The following DOCK8 variants were observed in gnomAD, a reference collection of about 807,000 sequenced individuals.
The protein encoded by DOCK8 is dedicator of cytokinesis 8, also known as dedicator of cytokinesis protein 8.
In DOCK8, 141 loss-of-function variants were observed where a neutral mutation model predicts 245.6. The ratio of observed to expected loss-of-function variants is 0.57; its 90% confidence interval spans 0.50 to 0.66. DOCK8 has a LOEUF of 0.66. DOCK8 is among the 30% of genes least tolerant of loss of function. The probability of loss-of-function intolerance (pLI) is 0.00; values close to 1 mark genes in which losing one functional copy is unlikely to be tolerated. For synonymous variants in DOCK8, 1,168 were observed against 970.2 expected (o/e 1.20, Z -3.79); for missense variants, 2,965 against 2,603.4 (o/e 1.14, Z -3.02).
intron 1 of DOCK8, among the ~76,000 whole-genome samples, chr9:218,749 A>G (rs1205504332): frequency 6.6e-6 from 1 of 152,238 alleles, no homozygotes; most frequent in Non-Finnish European, 1.5e-5. Flanking sequence ...GATAAAGAGG[A>G]CGAAAGTGTA....
At chr9:353,721 A>G (rs1434439346) in intron 14 of DOCK8, among the ~76,000 whole-genome samples, 2 of 152,182 alleles carry the variant, frequency 1.3e-5, no homozygotes, top group Non-Finnish European at 2.9e-5. Flanking sequence ...GACTATGCAA[A>G]TGGTGTCTTG....
At chr9:300,334 T>A (rs1035886641) in intron 4 of DOCK8, among the ~76,000 whole-genome samples, 2 of 152,214 alleles carry the variant, frequency 1.3e-5, no homozygotes, top group African/African-American at 4.8e-5. Flanking sequence ...ATCTGGCATT[T>A]GATCTACCTA....
chr9:246,355 CAA>C (rs2047505693), intron 1 of DOCK8, among the ~76,000 whole-genome samples: 5 of 151,960 alleles, frequency 3.3e-5, no homozygotes, highest in African/African-American at 1.2e-4. Flanking sequence ...CCCATCTCTA[CAA>C]AAAAATTAAA....
At chr9:397,257 A>C (rs990657767) in intron 25 of DOCK8, among the ~76,000 whole-genome samples, 2 of 151,914 alleles carry the variant, frequency 1.3e-5, no homozygotes, top group Non-Finnish European at 1.5e-5. Context: ...AGGCAGAAGC[A>C]AGAGAACTGC....
At chr9:233,052 C>T (rs552197736) in intron 1 of DOCK8, among the ~76,000 whole-genome samples, 4 of 152,188 alleles carry the variant, frequency 2.6e-5, no homozygotes, top group Non-Finnish European at 4.4e-5. Context: ...AAATTTCCCT[C>T]TACACACTGC....
At chr9:236,035 A>G (rs746033225) in intron 1 of DOCK8, among the ~76,000 whole-genome samples, 7 of 152,162 alleles carry the variant, frequency 4.6e-5, no homozygotes, top group Non-Finnish European at 1.0e-4. Flanking sequence ...CTATTCGGCC[A>G]TCTTGGCTCC....
intron 1 of DOCK8, among the ~76,000 whole-genome samples, chr9:231,866 T>A (rs2047126149): frequency 6.6e-6 from 1 of 152,182 alleles, no homozygotes; most frequent in African/African-American, 2.4e-5. Flanking sequence ...GACTTCCTCT[T>A]TTCCTAATTG....
intron 1 of DOCK8, among the ~76,000 whole-genome samples, chr9:248,920 C>G (rs901169173): frequency 6.6e-6 from 1 of 152,186 alleles, no homozygotes; most frequent in Non-Finnish European, 1.5e-5. Flanking sequence ...GTTATTGTTA[C>G]TTCATTCTAG....
At chr9:307,992 G>A (rs903996387) in intron 5 of DOCK8, among the ~76,000 whole-genome samples, 6 of 152,328 alleles carry the variant, frequency 3.9e-5, no homozygotes, top group Non-Finnish European at 5.9e-5. Flanking sequence ...CTTATATGTG[G>A]AAGATAAATA....
rs1199662819 is a variant in DOCK8 at position 307,330 on chromosome 9, TTTTTTTTG to T, written c.528+2634_528+2641del. 4.4e-4 allele frequency among the ~76,000 whole-genome samples: 13 copies of T among 29,262 alleles called. 1 individual carries two copies. Among genetic ancestry groups the T allele is most frequent in the African/African-American group, 5.4e-4 (7 of 13,034 alleles). The allele number at this position is 29,262 out of a possible 152,430, so 19.2% of individuals were successfully genotyped here. A position where few individuals can be genotyped will look rare whatever the true frequency, so the allele number is the denominator to read the frequency against. ...ACTCAAGTCACTGTGTTGTGTGTGG[TTTTTTTTG>T]TTTTTTTTTTTTTTTTTTTTTTTTT... is the stretch of plus-strand genomic sequence containing the variant. On this transcript the variant is annotated intron_variant, in intron 5 of 47. Transcript: ENST00000432829.
intron 33 of DOCK8, among the ~76,000 whole-genome samples, chr9:422,384 G>C (rs1355597576): frequency 3.3e-5 from 5 of 152,154 alleles, no homozygotes; most frequent in Admixed American, 3.3e-4. Flanking sequence ...AGCAACCTCA[G>C]ATGGCTTAAT....
intron 44 of DOCK8, among the ~76,000 whole-genome samples, chr9:447,547 T>A (rs1057043118): frequency 2.6e-5 from 4 of 152,210 alleles, no homozygotes; most frequent in African/African-American, 4.8e-5. Context: ...TGTGCACACC[T>A]AATATGACAG....
intron 1 of DOCK8, among the ~76,000 whole-genome samples, chr9:247,616 C>T (rs7848541): frequency 0.22 from 33,065 of 152,006 alleles, 3,747 homozygotes; most frequent in East Asian, 0.4. Context: ...TCACTGCAAG[C>T]TCCGCCTCCC....
intron 46 of DOCK8, among the ~76,000 whole-genome samples, chr9:457,580 A>C (rs555407914): frequency 6.6e-6 from 1 of 152,314 alleles, no homozygotes; most frequent in East Asian, 1.9e-4. Context: ...TGCTGATGAG[A>C]CATTGGCCTG....
chr9:214,653 C>A, upstream of DOCK8: 1 of 1,608,362 alleles, frequency 6.2e-7, no homozygotes. Context: ...CCCGCGCTCC[C>A]TTCGGCCGGA....
chr9:440,389 A>G (rs886991219), intron 40 of DOCK8, among the ~76,000 whole-genome samples: 12 of 152,320 alleles, frequency 7.9e-5, no homozygotes, highest in Middle Eastern at 3.4e-3. Flanking sequence ...ACTTTACTAT[A>G]TTTAGCTGAC....
At chr9:272,108 C>T (rs777252450) in intron 2 of DOCK8, among the ~76,000 whole-genome samples, 8 of 152,140 alleles carry the variant, frequency 5.3e-5, no homozygotes, top group Admixed American at 2.0e-4. Context: ...AAGTTACAGA[C>T]CTCCTTTTTG....
intron 4 of DOCK8, among the ~76,000 whole-genome samples, chr9:293,957 C>A (rs183166175): frequency 6.6e-6 from 1 of 152,328 alleles, no homozygotes; most frequent in African/African-American, 2.4e-5. Flanking sequence ...TCCTACCCTT[C>A]CCTTAACTCA....
chr9:396,309 C>T lies in DOCK8; in HGVS notation c.2971-476C>T, dbSNP rs143755347. ...TGCTCCCTCGAGAAACACTGAAACTCAAGATAGGAGGAACATTTCTCCCAC... is the reference window on the plus strand; with the variant it reads ...TGCTCCCTCGAGAAACACTGAAACTTAAGATAGGAGGAACATTTCTCCCAC... On this transcript the variant is annotated intron_variant, in intron 24 of 47. Transcript: ENST00000432829. Among the ~76,000 whole-genome samples the T allele has an allele frequency of 5.3e-5, 8 of 152,282 alleles. No homozygotes were observed. In the East Asian group the frequency reaches 1.5e-3, roughly 29 times the overall value.
Sources: allele counts gnomAD v4.1 joint callset (sites outside exome capture counted in the v4.1 genomes callset), GRCh38; gene constraint gnomAD v4.1.1; transcripts MANE v1.5; gene names NCBI Gene and HGNC (gene_info 2026-07-23, HGNC 2026-07-21).